ULK4: variants seen among roughly 807,000 people sequenced by gnomAD.
ULK4 encodes the protein inactive serine/threonine-protein kinase ULK4.
In ULK4, 133 loss-of-function variants were observed where a neutral mutation model predicts 160.6. The ratio of observed to expected loss-of-function variants is 0.83; its 90% CI spans 0.72 to 0.96. The LOEUF is 0.96. ULK4 is among the 40% of genes least tolerant of loss of function. The pLI, the probability that ULK4 is intolerant of heterozygous loss-of-function variation, is 0.00. For synonymous variants in ULK4, 534 were observed against 539.8 expected (o/e 0.99, Z 0.15); for missense variants, 1,580 against 1,499.5 (o/e 1.05, Z -0.89).
At chr3:41,472,713 A>G (rs2084024962) in intron 32 of ULK4, among the ~76,000 whole-genome samples, 1 of 152,186 alleles carries the variant, frequency 6.6e-6, no homozygotes. Context: ...ACTAATACCA[A>G]TCCTTCACAA....
At chr3:41,386,236 A>T (rs1195522292) in intron 35 of ULK4, among the ~76,000 whole-genome samples, 1 of 152,070 alleles carries the variant, frequency 6.6e-6, no homozygotes, top group East Asian at 1.9e-4. Context: ...TCCTTTTTTT[A>T]CAACTAGAGT....
chr3:41,706,827 CAAAAA>C (rs1156423434), intron 25 of ULK4, among the ~76,000 whole-genome samples: 5,805 of 58,148 alleles, frequency 0.1, 444 homozygotes, highest in African/African-American at 0.2. Flanking sequence ...GACTCTGTCT[CAAAAA>C]AAAAAAAAAA....
intron 11 of ULK4, among the ~76,000 whole-genome samples, chr3:41,908,805 C>T (rs985635068): frequency 6.6e-6 from 1 of 151,884 alleles, no homozygotes; most frequent in African/African-American, 2.4e-5. Flanking sequence ...TAATTATTTC[C>T]TTCAGGGCCG....
rs563591259 is a variant in ULK4 at position 41,493,938 on chromosome 3, C to T, written c.3227-30685G>A. Among the ~76,000 whole-genome samples the T allele has an allele frequency of 1.2e-3, 178 of 150,262 alleles. 1 individual carries two copies. The highest frequency in any genetic ancestry group is 4.1e-3 in the African/African-American group (168 of 40,772). ...GATCTCAAATTGTGGCAATAATCAA[C>T]AGCTTACCAACCAAAAAGAGTCCAG... On this transcript the variant is annotated intron_variant, in intron 32 of 36. Coordinates refer to ENST00000301831, the MANE Select transcript of ULK4 (RefSeq NM_017886.4).
intron 18 of ULK4, among the ~76,000 whole-genome samples, chr3:41,834,222 CAAAG>C (rs1202311109): frequency 1.3e-5 from 2 of 151,542 alleles, no homozygotes; most frequent in Non-Finnish European, 2.9e-5. Context: ...TAAATTCAAC[CAAAG>C]AAAGATGTAC....
At chr3:41,320,357 T>C (rs539649372) in intron 35 of ULK4, among the ~76,000 whole-genome samples, 1 of 152,334 alleles carries the variant, frequency 6.6e-6, no homozygotes, top group South Asian at 2.1e-4. Context: ...TTGATAGTGA[T>C]GACAAATGTG....
chr3:41,687,766 T>A (rs1424192415), intron 27 of ULK4: 5 of 152,200 alleles, frequency 3.3e-5, no homozygotes. Context: ...AAATAAGAAC[T>A]CCTGATCAGG....
At chr3:41,279,255 T>TAAAAAAAC (rs2079296934) in intron 35 of ULK4, among the ~76,000 whole-genome samples, 1 of 43,064 alleles carries the variant, frequency 2.3e-5, no homozygotes, top group Non-Finnish European at 4.3e-5. Context: ...AAAAAAAGAG[T>TAAAAAAAC]AAAAAAAAAA....
intron 34 of ULK4, among the ~76,000 whole-genome samples, chr3:41,417,036 A>G (rs2082543632): frequency 6.6e-6 from 1 of 152,160 alleles, no homozygotes; most frequent in South Asian, 2.1e-4. Context: ...GTGAAGACGC[A>G]GAATGCATTA....
At chr3:41,417,240 A>G (rs114218587) in intron 34 of ULK4, among the ~76,000 whole-genome samples, 217 of 152,296 alleles carry the variant, frequency 1.4e-3, no homozygotes, top group African/African-American at 4.9e-3. Flanking sequence ...AGGAAGAAAA[A>G]GCTTTCTACT....
chr3:41,764,114 T>C (rs1415756511), intron 21 of ULK4, among the ~76,000 whole-genome samples: 3 of 152,328 alleles, frequency 2.0e-5, no homozygotes, highest in East Asian at 3.9e-4. Flanking sequence ...CATAAGACTT[T>C]GGTATACACA....
intron 32 of ULK4, among the ~76,000 whole-genome samples, chr3:41,530,561 G>A (rs770897122): frequency 2.0e-5 from 3 of 152,204 alleles, no homozygotes; most frequent in South Asian, 4.2e-4. Context: ...CTGACCCAAC[G>A]CTGGCAATTT....
At chr3:41,793,173 CA>C (rs548947746) in intron 20 of ULK4, among the ~76,000 whole-genome samples, 18,707 of 109,744 alleles carry the variant, frequency 0.17, 1,334 homozygotes, top group Middle Eastern at 0.31. Flanking sequence ...AACTCCATCT[CA>C]AAAAAAAAAC....
At chr3:41,859,933 G>A (rs1396752408) in intron 17 of ULK4, among the ~76,000 whole-genome samples, 1 of 150,418 alleles carries the variant, frequency 6.6e-6, no homozygotes, top group Non-Finnish European at 1.5e-5. Context: ...ATCCCAAAGT[G>A]CTGGGGTTAC....
chr3:41,829,661 G>A (rs1483924933), intron 18 of ULK4, among the ~76,000 whole-genome samples: 1 of 152,170 alleles, frequency 6.6e-6, no homozygotes, highest in Non-Finnish European at 1.5e-5. Flanking sequence ...TGCTGGAGAG[G>A]ATGTGGAGAA....
intron 32 of ULK4, among the ~76,000 whole-genome samples, chr3:41,491,261 A>G (rs1495699): frequency 0.41 from 62,403 of 152,014 alleles, 12,991 homozygotes; most frequent in African/African-American, 0.44. Context: ...GCCATAAAAT[A>G]AATAGTCAAC....
At chr3:41,501,775 C>T (rs539289988) in intron 32 of ULK4, among the ~76,000 whole-genome samples, 2 of 152,226 alleles carry the variant, frequency 1.3e-5, no homozygotes, top group South Asian at 4.1e-4. Flanking sequence ...TTCTATCTAA[C>T]TGAAACTTTG....
intron 34 of ULK4, among the ~76,000 whole-genome samples, chr3:41,411,709 C>T (rs761529079): frequency 6.6e-5 from 10 of 152,054 alleles, no homozygotes; most frequent in East Asian, 1.9e-4. Context: ...CTGTGATTAA[C>T]GGCATGAGCC....
intron 32 of ULK4, among the ~76,000 whole-genome samples, chr3:41,561,297 T>C (rs1443051959): frequency 1.3e-5 from 2 of 152,220 alleles, no homozygotes; most frequent in Non-Finnish European, 2.9e-5. Flanking sequence ...TGCATCAATG[T>C]TCATCAAGGA....
Sources: gnomAD v4.1 joint callset for allele counts (sites outside exome capture counted in the v4.1 genomes callset) on GRCh38, gnomAD v4.1.1 for gene constraint, MANE v1.5 for transcripts, NCBI Gene and HGNC (gene_info 2026-07-23, HGNC 2026-07-21) for gene names.